Variants in IPO11 observed in about 807,000 individuals in gnomAD.
The protein encoded by IPO11 is importin-11.
Under a neutral mutation model 143.2 loss-of-function variants are expected in IPO11, and 66 were observed. That is an observed-to-expected ratio of 0.46 (90% CI 0.38 to 0.57). IPO11 has a LOEUF of 0.57. Among genes scored for constraint, IPO11 ranks in the 20% least tolerant of loss-of-function variants. The pLI, the probability that IPO11 is intolerant of heterozygous loss-of-function variation, is 0.00. For synonymous variants in IPO11, 385 were observed against 377.8 expected, an observed-to-expected ratio of 1.02 and a Z score of -0.22; for missense variants, 1,026 against 1,141.0, an observed-to-expected ratio of 0.90 and a Z score of 1.45.
chr5:62,508,948 A>G (rs1044557371), intron 19 of IPO11, among the ~76,000 whole-genome samples: 4 of 152,220 alleles, frequency 2.6e-5, no homozygotes, highest in African/African-American at 7.2e-5. Context: ...GTGGAATACT[A>G]TGCAGCCATA....
intron 24 of IPO11, among the ~76,000 whole-genome samples, chr5:62,549,388 C>T (rs999505944): frequency 4.6e-5 from 7 of 152,058 alleles, no homozygotes; most frequent in African/African-American, 7.2e-5. Context: ...TCTTGATGGT[C>T]GTAATTTTTG....
chr5:62,433,146 G>GTTT (rs367585219), intron 1 of IPO11, among the ~76,000 whole-genome samples: 2 of 135,470 alleles, frequency 1.5e-5, no homozygotes, highest in East Asian at 2.2e-4. Context: ...GCACCTTTTT[G>GTTT]TTTTTTGTTT....
intron 5 of IPO11, among the ~76,000 whole-genome samples, chr5:62,465,174 T>C (rs953611057): frequency 6.6e-6 from 1 of 152,216 alleles, no homozygotes; most frequent in African/African-American, 2.4e-5. Context: ...TCTTACCTCT[T>C]CTGCGTCTAA....
chr5:62,487,807 G>T lies in IPO11; in HGVS notation c.1255G>T (p.Glu419Ter). 1 of 1,608,286 alleles carries T rather than the reference G, an allele frequency of 6.2e-7. No homozygotes were observed. Among genetic ancestry groups the T allele is most frequent in the South Asian group, 1.1e-5 (1 of 89,468 alleles). Residue 419 changes from glutamate to a stop codon, truncating the protein, a stop_gained, in exon 13 of 30, where the codon GAA becomes TAA. Coordinates refer to ENST00000325324, the MANE Select transcript of IPO11 (RefSeq NM_016338.5). LOFTEE classifies it high-confidence loss of function. ...TEVLFIDIFHEYNQTLTPVLL... is the reference protein window; with the variant it reads ...TEVLFIDIFH ...AGTATTATTTATAGATATATTCCAT[G>T]AATATAATCAGACTCTTACTCCTGT...
intron 5 of IPO11, among the ~76,000 whole-genome samples, chr5:62,464,223 C>T (rs1211817541): frequency 1.4e-5 from 2 of 139,298 alleles, no homozygotes; most frequent in African/African-American, 5.4e-5. Flanking sequence ...GATCTCTGCT[C>T]TCTGCAACTT....
chr5:62,434,058 C>T (rs991809191), intron 1 of IPO11, among the ~76,000 whole-genome samples: 1 of 152,102 alleles, frequency 6.6e-6, no homozygotes, highest in Non-Finnish European at 1.5e-5. Flanking sequence ...TTGTTCCTGC[C>T]CTTTTCTCCA....
intron 24 of IPO11, among the ~76,000 whole-genome samples, chr5:62,537,933 A>G (rs930812124): frequency 6.6e-6 from 1 of 152,166 alleles, no homozygotes; most frequent in Non-Finnish European, 1.5e-5. Flanking sequence ...AAGTACCCCT[A>G]TTTGGGTGCA....
At chr5:62,426,335 T>C (rs1292286379) in intron 1 of IPO11, among the ~76,000 whole-genome samples, 1 of 152,096 alleles carries the variant, frequency 6.6e-6, no homozygotes, top group Non-Finnish European at 1.5e-5. Context: ...TGCAGTGAGC[T>C]CAGATTGTGC....
intron 4 of IPO11, 33 bp from the exon 5 acceptor site, chr5:62,451,697 C>G (rs1017860187): frequency 6.4e-7 from 1 of 1,550,708 alleles, no homozygotes; most frequent in East Asian, 2.2e-5. Context: ...TATCTATTGC[C>G]TTGATTCCAT....
chr5:62,450,151 A>G (rs553877010), intron 4 of IPO11, 152 bp downstream of exon 4: 84 of 528,432 alleles, frequency 1.6e-4, no homozygotes, highest in African/African-American at 1.1e-3. Flanking sequence ...TTTGAGATCT[A>G]TTTGTAGCGT....
chr5:62,615,223 C>A (rs1482070821), intron 29 of IPO11, among the ~76,000 whole-genome samples: 1 of 152,140 alleles, frequency 6.6e-6, no homozygotes, highest in Non-Finnish European at 1.5e-5. Flanking sequence ...CAGGGAACTG[C>A]CCTCTTCTAC....
intron 1 of IPO11, among the ~76,000 whole-genome samples, chr5:62,432,464 A>C (rs1744028360): frequency 1.3e-5 from 2 of 152,148 alleles, no homozygotes; most frequent in South Asian, 4.1e-4. Context: ...GGTGAGAGAG[A>C]GCCCTGTGTT....
intron 5 of IPO11, among the ~76,000 whole-genome samples, chr5:62,453,486 C>T (rs1388855083): frequency 6.9e-6 from 1 of 144,696 alleles, no homozygotes; most frequent in Non-Finnish European, 1.5e-5. Flanking sequence ...AATACTTGTC[C>T]TAGTCTTTTT....
chr5:62,442,527 G>A (rs894483383), intron 2 of IPO11, among the ~76,000 whole-genome samples: 39 of 152,216 alleles, frequency 2.6e-4, no homozygotes, highest in African/African-American at 7.0e-4. Context: ...ATATCGATAT[G>A]ATATATGTAG....
chr5:62,552,806 G>A (rs1743432651), intron 26 of IPO11, among the ~76,000 whole-genome samples: 1 of 152,066 alleles, frequency 6.6e-6, no homozygotes, highest in African/African-American at 2.4e-5. Context: ...CAAAGTCATG[G>A]ATTAATCTCT....
At chr5:62,457,679 C>A (rs1031946045) in intron 5 of IPO11, among the ~76,000 whole-genome samples, 3 of 152,154 alleles carry the variant, frequency 2.0e-5, no homozygotes, top group African/African-American at 7.2e-5. Flanking sequence ...CACTCACCCT[C>A]ATAGCAGAGA....
chr5:62,505,284 G>T (rs1338448941), intron 18 of IPO11, among the ~76,000 whole-genome samples: 1 of 151,924 alleles, frequency 6.6e-6, no homozygotes, highest in Non-Finnish European at 1.5e-5. Context: ...ACACTAGACT[G>T]TAAATTACTT....
chr5:62,511,150 T>C (rs1476965733), intron 19 of IPO11, among the ~76,000 whole-genome samples: 1 of 152,250 alleles, frequency 6.6e-6, no homozygotes, highest in South Asian at 2.1e-4. Context: ...TAAATGTAAC[T>C]GGGTACTTTG....
chr5:62,456,000 C>T (rs931161510), intron 5 of IPO11, among the ~76,000 whole-genome samples: 1 of 152,156 alleles, frequency 6.6e-6, no homozygotes, highest in African/African-American at 2.4e-5. Context: ...GCTGGGATTA[C>T]AGGCGTGTAC....
Sources: gnomAD v4.1 joint callset for allele counts (sites outside exome capture counted in the v4.1 genomes callset) on GRCh38, gnomAD v4.1.1 for gene constraint, MANE v1.5 for transcripts, NCBI Gene and HGNC (gene_info 2026-07-23, HGNC 2026-07-21) for gene names.